BMAL1: variants seen among roughly 807,000 people sequenced by gnomAD.
BMAL1 encodes basic helix-loop-helix ARNT like 1, also known as basic helix-loop-helix ARNT-like protein 1.
chr11:13,284,128 G>GTA, the BMAL1 span, among the ~76,000 whole-genome samples: 2,501 of 58,768 alleles, frequency 0.043, 141 homozygotes, highest in Middle Eastern at 0.075. Flanking sequence ...ATGTGTGTGT[G>GTA]TATATATATA....
the BMAL1 span, among the ~76,000 whole-genome samples, chr11:13,350,513 A>G: frequency 1.3e-5 from 2 of 152,372 alleles, no homozygotes; most frequent in African/African-American, 2.4e-5. Context: ...TGTATTCTAA[A>G]GCACAGTTGT....
the BMAL1 span, among the ~76,000 whole-genome samples, chr11:13,281,129 C>G: frequency 6.6e-6 from 1 of 152,188 alleles, no homozygotes; most frequent in African/African-American, 2.4e-5. Flanking sequence ...GCCATTCCTT[C>G]TCACCTCTAC....
chr11:13,323,561 C>T, the BMAL1 span, among the ~76,000 whole-genome samples: 3 of 152,180 alleles, frequency 2.0e-5, no homozygotes. Flanking sequence ...CTGCTTCCTC[C>T]TGTGTTCTTC....
At chr11:13,363,148 ATATATATATATATATATATG>A in the BMAL1 span, among the ~76,000 whole-genome samples, 4 of 70,372 alleles carry the variant, frequency 5.7e-5, no homozygotes, top group Non-Finnish European at 1.3e-4. Flanking sequence ...ATATATATAT[ATATATATATATATATATATG>A]TAAAATAATT....
chr11:13,348,481 G>A, the BMAL1 span, among the ~76,000 whole-genome samples: 1 of 152,112 alleles, frequency 6.6e-6, no homozygotes, highest in Non-Finnish European at 1.5e-5. Flanking sequence ...GATCTGGAGG[G>A]AAGTGGCTGG....
the BMAL1 span, among the ~76,000 whole-genome samples, chr11:13,306,833 A>G: frequency 2.6e-5 from 4 of 152,260 alleles, no homozygotes; most frequent in Non-Finnish European, 5.9e-5. Context: ...TGATGCTGCC[A>G]GCGGTCCAGT....
chr11:13,304,629 G>A, the BMAL1 span, among the ~76,000 whole-genome samples: 1 of 152,222 alleles, frequency 6.6e-6, no homozygotes, highest in East Asian at 1.9e-4. Context: ...AGGTGAGGCA[G>A]CACTGGGAAT....
chr11:13,307,712 T>G, the BMAL1 span, among the ~76,000 whole-genome samples: 33 of 152,322 alleles, frequency 2.2e-4, no homozygotes, highest in African/African-American at 7.9e-4. Context: ...TTGATTGCAT[T>G]TCCCTCCCTT....
At chr11:13,355,504 G>C in the BMAL1 span, among the ~76,000 whole-genome samples, 1 of 152,160 alleles carries the variant, frequency 6.6e-6, no homozygotes, top group African/African-American at 2.4e-5. Flanking sequence ...TTCCAGCCTG[G>C]TCACCACCCA....
the BMAL1 span, among the ~76,000 whole-genome samples, chr11:13,343,369 A>G: frequency 2.6e-5 from 4 of 152,330 alleles, no homozygotes; most frequent in South Asian, 8.3e-4. Flanking sequence ...GTCATTCTGC[A>G]GTCATTAAAA....
At chr11:13,342,943 T>C in the BMAL1 span, among the ~76,000 whole-genome samples, 1 of 152,236 alleles carries the variant, frequency 6.6e-6, no homozygotes, top group Non-Finnish European at 1.5e-5. Flanking sequence ...AGTTGTCTTA[T>C]GAGGCTGTTG....
the BMAL1 span, among the ~76,000 whole-genome samples, chr11:13,304,558 A>T: frequency 6.6e-6 from 1 of 152,312 alleles, no homozygotes; most frequent in South Asian, 2.1e-4. Flanking sequence ...GGCAATTCCC[A>T]TTCATGACTA....
chr11:13,297,158 C>T, the BMAL1 span, among the ~76,000 whole-genome samples: 72 of 152,350 alleles, frequency 4.7e-4, no homozygotes, highest in African/African-American at 1.7e-3. Context: ...GTTTGAATGG[C>T]TCCCCTCTCT....
At chr11:13,337,992 A>C in the BMAL1 span, among the ~76,000 whole-genome samples, 3 of 152,088 alleles carry the variant, frequency 2.0e-5, no homozygotes, top group Non-Finnish European at 4.4e-5. Context: ...ACTGACTAGC[A>C]TGAAAAAAAA....
At chr11:13,369,984 C>T in the BMAL1 span, among the ~76,000 whole-genome samples, 2,824 of 152,224 alleles carry the variant, frequency 0.019, 60 homozygotes, top group Non-Finnish European at 0.021. Flanking sequence ...GGAGAGGCCT[C>T]CTCTGTTTAA....
the BMAL1 span, among the ~76,000 whole-genome samples, chr11:13,325,694 T>TGTGTGTGTGG: frequency 2.0e-5 from 3 of 151,696 alleles, no homozygotes; most frequent in East Asian, 3.9e-4. Flanking sequence ...TGTGTGTGTG[T>TGTGTGTGTGG]GGGCTTGAAT....
chr11:13,300,012 G>A, the BMAL1 span, among the ~76,000 whole-genome samples: 4 of 152,176 alleles, frequency 2.6e-5, no homozygotes, highest in Non-Finnish European at 5.9e-5. Flanking sequence ...CATAGGGAAA[G>A]TTCCCTTCCC....
chr11:13,289,609 AC>A, the BMAL1 span, among the ~76,000 whole-genome samples: 1 of 151,746 alleles, frequency 6.6e-6, no homozygotes, highest in Non-Finnish European at 1.5e-5. Context: ...TTCAGTTCCC[AC>A]CTATAAGTGA....
chr11:13,302,169 A>C, the BMAL1 span, among the ~76,000 whole-genome samples: 1 of 152,132 alleles, frequency 6.6e-6, no homozygotes, highest in Non-Finnish European at 1.5e-5. Context: ...CAGAGCTTTA[A>C]GGAGAAGTTT....
Sources: allele counts gnomAD v4.1 joint callset (sites outside exome capture counted in the v4.1 genomes callset), GRCh38; gene constraint gnomAD v4.1.1; transcripts MANE v1.5; gene names NCBI Gene and HGNC (gene_info 2026-07-23, HGNC 2026-07-21).